TMCC2: variants seen among roughly 807,000 people sequenced by gnomAD.
TMCC2 encodes transmembrane and coiled-coil domain family 2.
Under a neutral mutation model 49.4 loss-of-function variants are expected in TMCC2, and 16 were observed. The ratio of observed to expected loss-of-function variants is 0.32; its 90% confidence interval spans 0.22 to 0.49. TMCC2 has a LOEUF of 0.49. Among genes scored for constraint, TMCC2 ranks in the 20% least tolerant of loss-of-function variants. The probability of loss-of-function intolerance (pLI) is 0.99; values close to 1 mark genes in which losing one functional copy is unlikely to be tolerated. For synonymous variants in TMCC2, 397 were observed against 434.1 expected (o/e 0.91, Z 1.06); for missense variants, 762 against 989.8 (o/e 0.77, Z 3.09).
At chr1:205,246,557 G>A (rs960700186) in intron 2 of TMCC2, 19 of 1,546,358 alleles carry the variant, frequency 1.2e-5, no homozygotes, top group Non-Finnish European at 1.6e-5. Flanking sequence ...GAGGAGCTCT[G>A]CACGCGTTGG....
chr1:205,271,099 C>T (rs765356848), intron 3 of TMCC2, 21 bp from the exon 4 acceptor site: 5 of 1,611,144 alleles, frequency 3.1e-6, no homozygotes, highest in Non-Finnish European at 3.4e-6. Flanking sequence ...GGACTGGTGT[C>T]ACTCTCTCTC....
chr1:205,246,702 G>A (rs1660467031), intron 2 of TMCC2: 1 of 1,549,706 alleles, frequency 6.5e-7, no homozygotes, highest in Non-Finnish European at 8.7e-7. Context: ...GTGAGTCAAT[G>A]AATACATTTT....
In TMCC2 at chr1:205,262,381, C is replaced by T. The variant is rs187668661; in HGVS notation, c.748-6569C>T. 3.1e-3 allele frequency among the ~76,000 whole-genome samples: 469 copies of T among 152,248 alleles called. 2 individuals carry two copies. Among genetic ancestry groups the T allele is most frequent in the Non-Finnish European group, 5.0e-3 (343 of 68,014 alleles). On this transcript the variant is annotated intron_variant, in intron 2 of 4. Coordinates refer to ENST00000358024, the MANE Select transcript of TMCC2 (RefSeq NM_014858.4). ...ACCAGGATCCCAGCCCAAGGCCCCT[C>T]CACACACCAGGCCCAGGAGTGTCTC...
intron 2 of TMCC2, among the ~76,000 whole-genome samples, chr1:205,267,101 G>T (rs1200435250): frequency 2.0e-5 from 3 of 152,170 alleles, no homozygotes; most frequent in Admixed American, 2.0e-4. Context: ...GTCAAGGGGG[G>T]ATGAGGGGAG....
intron 2 of TMCC2, among the ~76,000 whole-genome samples, chr1:205,255,868 G>T (rs1246810502): frequency 6.6e-6 from 1 of 152,176 alleles, no homozygotes. Flanking sequence ...CATAGGAGGG[G>T]GATCATTTGC....
chr1:205,268,953 G>A lies in TMCC2; in HGVS notation c.751G>A (p.Asp251Asn), dbSNP rs566610031. 230 of 1,612,106 alleles carry A rather than the reference G, an allele frequency of 1.4e-4. 1 individual carries two copies. In the South Asian group the frequency reaches 1.7e-3, roughly 12 times the overall value. The change falls in exon 3 of 5, where the codon GAT becomes AAT. Residue 251 changes from aspartate to asparagine, a missense_variant. Physicochemically the swap from Asp to Asn is conservative, Grantham distance 23 (BLOSUM62 1). Around this residue, in one of 2 missense-constraint regions of TMCC2, gnomAD observed 440 missense variants for 636.7 expected, o/e 0.69. Transcript: ENST00000358024. ...CTCTGCCTGCCTCTTTCCCCAGGTC[G>A]ATAAGGGAGACCTGGTGGCCCTGAG... ...EEAEGIGDKVDKGDLVALSLP... is the reference protein window; with the variant it reads ...EEAEGIGDKVNKGDLVALSLP...
chr1:205,268,928 C>T (rs990983711), intron 2 of TMCC2, 22 bp from the exon 3 acceptor site: 9 of 1,608,016 alleles, frequency 5.6e-6, no homozygotes, highest in Non-Finnish European at 7.7e-6. Flanking sequence ...CCCATGCTTC[C>T]TCTGCCTGCC....
At chr1:205,232,340 T>C (rs1659832020) in intron 1 of TMCC2, among the ~76,000 whole-genome samples, 1 of 152,238 alleles carries the variant, frequency 6.6e-6, no homozygotes, top group Admixed American at 6.5e-5. Context: ...TCAGTAGACA[T>C]CCTGCAACAG....
Position 205,269,755 on chromosome 1 carries a change from C to G in TMCC2, c.1553C>G (p.Ala518Gly), listed in dbSNP as rs776296421. Residue 518 changes from alanine (A) to glycine (G), a missense_variant, in exon 3 of 5, where the codon GCT (alanine) becomes GGT (glycine). By Grantham distance (60) the Ala-to-Gly change is moderately conservative (BLOSUM62 0). Transcript: ENST00000358024. ...ALYGAPGNLD[A>G]LLEELREIKE... ...TATGGTGCTCCTGGAAACCTGGATG[C>G]TCTGCTGGAAGAGCTACGGGAGATC... is the stretch of plus-strand genomic sequence containing the variant. 6.2e-7 allele frequency: 1 copy of G among 1,614,084 alleles called. No homozygotes were observed. Among genetic ancestry groups the G allele is most frequent in the South Asian group, 1.1e-5 (1 of 91,094 alleles).
rs1199141782 is a variant in TMCC2 at position 205,272,099 on chromosome 1, T to C, written c.2105T>C (p.Leu702Pro). 2 of 1,613,060 alleles carry C rather than the reference T, an allele frequency of 1.2e-6. No individual in the cohort carries two copies. Among genetic ancestry groups the C allele is most frequent in the South Asian group, 1.1e-5 (1 of 91,090 alleles). The change falls in exon 5 of 5, where the codon CTG becomes CCG. Residue 702 changes from leucine to proline, a missense_variant. Coordinates refer to ENST00000358024, the MANE Select transcript of TMCC2 (RefSeq NM_014858.4). The part of the protein sequence containing the change: ...WKHWDSLTYL[L>P]EHVLLPS Reference sequence around the variant, plus strand: ...CACTGGGACTCCCTCACCTACCTCCTGGAGCACGTGTTGCTGCCCAGCTGA... The same window carrying C: ...CACTGGGACTCCCTCACCTACCTCCCGGAGCACGTGTTGCTGCCCAGCTGA...
At chr1:205,267,731 C>T (rs1001313893) in intron 2 of TMCC2, among the ~76,000 whole-genome samples, 9 of 152,190 alleles carry the variant, frequency 5.9e-5, no homozygotes, top group African/African-American at 2.2e-4. Flanking sequence ...TTCTTAGTCT[C>T]TCTTCTCCTT....
intron 2 of TMCC2, chr1:205,267,936 G>T (rs1396363647): frequency 2.0e-6 from 2 of 985,202 alleles, no homozygotes; most frequent in African/African-American, 3.5e-5. Flanking sequence ...TAGTCCTCGG[G>T]GACCTGGCCA....
At chr1:205,233,177 G>T (rs1415255318) in intron 1 of TMCC2, among the ~76,000 whole-genome samples, 4 of 152,160 alleles carry the variant, frequency 2.6e-5, no homozygotes, top group Non-Finnish European at 5.9e-5. Context: ...GAAAGGAGGT[G>T]TCTGGGGATG....
chr1:205,267,092 T>A (rs528482378), intron 2 of TMCC2, among the ~76,000 whole-genome samples: 1 of 151,896 alleles, frequency 6.6e-6, no homozygotes, highest in South Asian at 2.1e-4. Context: ...TGCTGGGAGG[T>A]CAAGGGGGGA....
At chr1:205,266,393 G>A (rs1010951057) in intron 2 of TMCC2, among the ~76,000 whole-genome samples, 8 of 151,338 alleles carry the variant, frequency 5.3e-5, no homozygotes, top group African/African-American at 1.9e-4. Flanking sequence ...GAGTTGAAGA[G>A]CAGTCTGGCC....
At chr1:205,251,088 G>A (rs1660650846) in intron 2 of TMCC2, among the ~76,000 whole-genome samples, 1 of 152,180 alleles carries the variant, frequency 6.6e-6, no homozygotes, top group African/African-American at 2.4e-5. Context: ...CTTTTCATAG[G>A]CATATTTTGG....
chr1:205,270,266 T>C (rs1273371792), intron 3 of TMCC2, among the ~76,000 whole-genome samples: 1 of 152,190 alleles, frequency 6.6e-6, no homozygotes. Context: ...CAGGCTGGTC[T>C]CGATCTCCTG....
chr1:205,246,978 C>T (rs952624882), intron 2 of TMCC2, among the ~76,000 whole-genome samples: 8 of 151,934 alleles, frequency 5.3e-5, no homozygotes, highest in Admixed American at 6.6e-5. Context: ...GCTCACTGTG[C>T]CCAAGATATC....
At chr1:205,270,981 G>A in intron 3 of TMCC2, 139 bp from the exon 4 acceptor site, 1 of 1,227,280 alleles carries the variant, frequency 8.1e-7, no homozygotes, top group Non-Finnish European at 1.1e-6. Context: ...TGTTGTTGCT[G>A]TTAAAATTAG....
Sources: gnomAD v4.1 joint callset for allele counts (sites outside exome capture counted in the v4.1 genomes callset) on GRCh38, gnomAD v4.1.1 for gene constraint, gnomAD v4.1.1 regional missense constraint, MANE v1.5 for transcripts, NCBI Gene and HGNC (gene_info 2026-07-23, HGNC 2026-07-21) for gene names.